The following ABTB3 variants were observed in gnomAD, a reference collection of about 807,000 sequenced individuals.
ABTB3 encodes the protein ankyrin repeat and BTB domain containing 3.
At chr12:107,580,688 T>G in the ABTB3 span, 1 of 702,526 alleles carries the variant, frequency 1.4e-6, no homozygotes, top group East Asian at 3.3e-5. Context: ...AGGCTGCAGA[T>G]GGGAAGGGAG....
At chr12:107,373,823 G>A in the ABTB3 span, among the ~76,000 whole-genome samples, 2 of 152,206 alleles carry the variant, frequency 1.3e-5, no homozygotes, top group Non-Finnish European at 2.9e-5. Context: ...AGCATCCTGC[G>A]CTTTCCCTAG....
chr12:107,633,724 T>A, the ABTB3 span, among the ~76,000 whole-genome samples: 6 of 152,162 alleles, frequency 3.9e-5, no homozygotes, highest in Admixed American at 2.0e-4. Flanking sequence ...GAAACAAATT[T>A]ATAGCCCACA....
the ABTB3 span, among the ~76,000 whole-genome samples, chr12:107,539,401 G>T: frequency 1.3e-5 from 2 of 152,130 alleles, no homozygotes; most frequent in South Asian, 4.1e-4. Flanking sequence ...ATGCCCGGAG[G>T]CAGGCACCCA....
At chr12:107,618,753 G>A in the ABTB3 span, among the ~76,000 whole-genome samples, 2 of 152,188 alleles carry the variant, frequency 1.3e-5, no homozygotes, top group Admixed American at 6.5e-5. Flanking sequence ...GATGGATAAA[G>A]GCTGGAAATC....
the ABTB3 span, among the ~76,000 whole-genome samples, chr12:107,630,267 C>T: frequency 1.3e-5 from 2 of 152,134 alleles, no homozygotes; most frequent in Non-Finnish European, 2.9e-5. Flanking sequence ...ATTTAGTAGA[C>T]GCTCAATAAA....
the ABTB3 span, among the ~76,000 whole-genome samples, chr12:107,417,699 G>A: frequency 6.6e-6 from 1 of 152,244 alleles, no homozygotes; most frequent in Non-Finnish European, 1.5e-5. Flanking sequence ...ATCAACAGCA[G>A]ATACTCTCGT....
At chr12:107,658,117 C>T in the ABTB3 span, 1 of 171,160 alleles carries the variant, frequency 5.8e-6, no homozygotes, top group African/African-American at 2.4e-5. Context: ...GGTAGCTGTG[C>T]TTCAGCAAAC....
At chr12:107,345,213 T>A in the ABTB3 span, among the ~76,000 whole-genome samples, 2 of 152,076 alleles carry the variant, frequency 1.3e-5, no homozygotes, top group African/African-American at 4.8e-5. Context: ...TACCTCTGGG[T>A]TGAATAGATG....
At chr12:107,593,566 C>A in the ABTB3 span, among the ~76,000 whole-genome samples, 2 of 152,216 alleles carry the variant, frequency 1.3e-5, no homozygotes, top group African/African-American at 4.8e-5. Flanking sequence ...CTTAGCACTT[C>A]ACTGAAGTAC....
the ABTB3 span, among the ~76,000 whole-genome samples, chr12:107,394,270 G>A: frequency 3.3e-5 from 5 of 152,200 alleles, no homozygotes; most frequent in Admixed American, 6.5e-5. Context: ...GCTTACCCAG[G>A]GTCACAGAGT....
At chr12:107,352,209 TG>T in the ABTB3 span, among the ~76,000 whole-genome samples, 3 of 152,008 alleles carry the variant, frequency 2.0e-5, no homozygotes, top group Admixed American at 2.0e-4. Flanking sequence ...TAGGACTTTG[TG>T]GGGTCAGGCG....
At chr12:107,348,953 G>C in the ABTB3 span, among the ~76,000 whole-genome samples, 1 of 152,214 alleles carries the variant, frequency 6.6e-6, no homozygotes, top group African/African-American at 2.4e-5. Context: ...CAGCTTGTGA[G>C]AAGACCTTGG....
At chr12:107,453,634 G>A in the ABTB3 span, among the ~76,000 whole-genome samples, 4 of 152,178 alleles carry the variant, frequency 2.6e-5, no homozygotes, top group African/African-American at 9.7e-5. Context: ...ATATCAGCCC[G>A]AATGGACTAA....
the ABTB3 span, among the ~76,000 whole-genome samples, chr12:107,612,418 C>A: frequency 6.6e-6 from 1 of 152,138 alleles, no homozygotes; most frequent in Non-Finnish European, 1.5e-5. Context: ...ATGGTGTTTA[C>A]CAATGAGATA....
the ABTB3 span, among the ~76,000 whole-genome samples, chr12:107,460,415 G>A: frequency 6.6e-6 from 1 of 152,276 alleles, no homozygotes; most frequent in Non-Finnish European, 1.5e-5. Context: ...AGCACTTTGG[G>A]AGACCAAGGC....
the ABTB3 span, among the ~76,000 whole-genome samples, chr12:107,414,366 T>C: frequency 2.6e-5 from 4 of 152,144 alleles, no homozygotes; most frequent in Non-Finnish European, 5.9e-5. Flanking sequence ...TTCCCCTACT[T>C]AAAACTGTCT....
chr12:107,489,507 A>T, the ABTB3 span, among the ~76,000 whole-genome samples: 1 of 152,126 alleles, frequency 6.6e-6, no homozygotes, highest in Non-Finnish European at 1.5e-5. Context: ...GTGACGAGCA[A>T]AACTCCATCT....
At chr12:107,373,768 C>G in the ABTB3 span, among the ~76,000 whole-genome samples, 2 of 152,218 alleles carry the variant, frequency 1.3e-5, no homozygotes, top group Non-Finnish European at 2.9e-5. Flanking sequence ...GGCTGTGGGA[C>G]CCGGCACTTT....
At chr12:107,507,289 G>A in the ABTB3 span, among the ~76,000 whole-genome samples, 1 of 152,156 alleles carries the variant, frequency 6.6e-6, no homozygotes, top group African/African-American at 2.4e-5. Flanking sequence ...GTCCAGGGAA[G>A]CAGGAGAAGT....
Sources: allele counts gnomAD v4.1 joint callset (sites outside exome capture counted in the v4.1 genomes callset), GRCh38; gene constraint gnomAD v4.1.1; transcripts MANE v1.5; gene names NCBI Gene and HGNC (gene_info 2026-07-23, HGNC 2026-07-21).